NELL1: variants seen among roughly 807,000 people sequenced by gnomAD.
NELL1 encodes protein kinase C-binding protein NELL1.
NELL1 carries 76 observed loss-of-function variants against 107.4 expected under a neutral mutation model. That is an observed-to-expected ratio of 0.71 (90% CI 0.59 to 0.86). The LOEUF is 0.86. Among genes scored for constraint, NELL1 ranks in the 40% least tolerant of loss-of-function variants. The pLI is 0.00. For synonymous variants in NELL1, 353 were observed against 341.2 expected (o/e 1.03, Z -0.38); for missense variants, 1,024 against 1,005.5 (o/e 1.02, Z -0.25).
intron 15 of NELL1, among the ~76,000 whole-genome samples, chr11:21,520,773 C>G (rs187883707): frequency 6.6e-6 from 1 of 152,306 alleles, no homozygotes; most frequent in East Asian, 1.9e-4. Context: ...TGCTCCTTAC[C>G]TCATGCTGAC....
intron 14 of NELL1, among the ~76,000 whole-genome samples, chr11:21,275,124 A>G (rs1433138289): frequency 6.6e-6 from 1 of 152,184 alleles, no homozygotes; most frequent in Non-Finnish European, 1.5e-5. Flanking sequence ...TGGTTTTTTG[A>G]AAAGATCAAC....
At chr11:20,743,189 A>G (rs1234093419) in intron 2 of NELL1, among the ~76,000 whole-genome samples, 2 of 152,046 alleles carry the variant, frequency 1.3e-5, no homozygotes, top group African/African-American at 4.8e-5. Context: ...CGCCATCTCC[A>G]CTAAAAATAC....
intron 13 of NELL1, among the ~76,000 whole-genome samples, chr11:21,141,570 A>G (rs1431330281): frequency 6.6e-6 from 1 of 152,096 alleles, no homozygotes; most frequent in Non-Finnish European, 1.5e-5. Flanking sequence ...TAAGTAAGAA[A>G]TCTGAAGATA....
intron 14 of NELL1, among the ~76,000 whole-genome samples, chr11:21,269,110 C>T (rs2133932248): frequency 6.6e-6 from 1 of 150,818 alleles, no homozygotes; most frequent in Non-Finnish European, 1.5e-5. Flanking sequence ...AATGGAAAAA[C>T]AAAGAAAAAG....
intron 13 of NELL1, among the ~76,000 whole-genome samples, chr11:21,183,496 C>T (rs1402793453): frequency 6.6e-6 from 1 of 151,878 alleles, no homozygotes; most frequent in Non-Finnish European, 1.5e-5. Context: ...AAGAGAGCTC[C>T]AGTGTTTGCA....
chr11:20,738,819 C>G lies in NELL1; in HGVS notation c.185-44861C>G, dbSNP rs377551098. 5.3e-5 allele frequency among the ~76,000 whole-genome samples: 8 copies of G among 152,260 alleles called. No individual in the cohort carries two copies. The South Asian group carries it at 1.5e-3, about 28-fold the overall frequency. ...GAAAGATGGGACCTATTTCTTTATTCCTCAGAGATGGCAGTGTACTTGGTC... is the reference window on the plus strand; with the variant it reads ...GAAAGATGGGACCTATTTCTTTATTGCTCAGAGATGGCAGTGTACTTGGTC... On this transcript the variant is annotated intron_variant, in intron 2 of 19. Transcript: ENST00000357134.
chr11:20,907,331 A>G (rs1469233903), intron 5 of NELL1, among the ~76,000 whole-genome samples: 1 of 151,996 alleles, frequency 6.6e-6, no homozygotes, highest in Non-Finnish European at 1.5e-5. Flanking sequence ...TATGTATCTT[A>G]TAAAAATTTA....
At chr11:20,772,517 A>C (rs569343597) in intron 2 of NELL1, among the ~76,000 whole-genome samples, 10 of 152,340 alleles carry the variant, frequency 6.6e-5, no homozygotes, top group Non-Finnish European at 1.2e-4. Context: ...ATGCTTAGAA[A>C]ATGTTAAAGT....
intron 15 of NELL1, among the ~76,000 whole-genome samples, chr11:21,376,711 C>T (rs751095221): frequency 1.2e-4 from 19 of 152,110 alleles, no homozygotes; most frequent in Non-Finnish European, 1.8e-4. Context: ...TTGTTTGTGT[C>T]ATCTATGATT....
At chr11:21,003,654 G>A (rs1313560862) in intron 12 of NELL1, among the ~76,000 whole-genome samples, 1 of 152,136 alleles carries the variant, frequency 6.6e-6, no homozygotes, top group African/African-American at 2.4e-5. Flanking sequence ...ACCTGTGTCA[G>A]GGAAGCTGGA....
chr11:20,713,147 G>A (rs1344749345), intron 2 of NELL1, among the ~76,000 whole-genome samples: 1 of 152,184 alleles, frequency 6.6e-6, no homozygotes, highest in Non-Finnish European at 1.5e-5. Context: ...GTGGTAGTAG[G>A]GGGATATAAG....
intron 3 of NELL1, among the ~76,000 whole-genome samples, chr11:20,843,657 AATTAT>A (rs1402067362): frequency 1.6e-4 from 14 of 90,000 alleles, no homozygotes; most frequent in African/African-American, 4.2e-4. Flanking sequence ...ATAAATATAA[AATTAT>A]ATTATATATT....
At chr11:20,679,825 A>T (rs924751030) in intron 2 of NELL1, among the ~76,000 whole-genome samples, 3 of 152,224 alleles carry the variant, frequency 2.0e-5, no homozygotes, top group African/African-American at 7.2e-5. Flanking sequence ...GAAACACAGT[A>T]GGTGATCAAT....
At chr11:21,422,461 T>A (rs1449961883) in intron 15 of NELL1, among the ~76,000 whole-genome samples, 1 of 152,118 alleles carries the variant, frequency 6.6e-6, no homozygotes, top group Non-Finnish European at 1.5e-5. Flanking sequence ...TACATAATTT[T>A]ATTTTACACA....
intron 16 of NELL1, among the ~76,000 whole-genome samples, chr11:21,555,303 T>C (rs1346184524): frequency 6.6e-6 from 1 of 151,892 alleles, no homozygotes. Flanking sequence ...TAACAATATT[T>C]GTTATAATAC....
intron 15 of NELL1, among the ~76,000 whole-genome samples, chr11:21,411,004 G>C (rs930574453): frequency 9.2e-5 from 14 of 152,012 alleles, no homozygotes; most frequent in African/African-American, 3.4e-4. Context: ...TAATATACCA[G>C]ATGTGATAGA....
At chr11:21,119,618 T>C (rs557076685) in intron 13 of NELL1, among the ~76,000 whole-genome samples, 5 of 152,198 alleles carry the variant, frequency 3.3e-5, no homozygotes, top group African/African-American at 1.2e-4. Context: ...CTTTGACCCT[T>C]GGGGGAGTTT....
chr11:21,485,474 A>G (rs1472212081), intron 15 of NELL1, among the ~76,000 whole-genome samples: 2 of 151,862 alleles, frequency 1.3e-5, no homozygotes, highest in African/African-American at 2.4e-5. Flanking sequence ...TGTGTCCTCC[A>G]CTGGGTTCAA....
chr11:21,149,882 G>T (rs1480457309), intron 13 of NELL1, among the ~76,000 whole-genome samples: 4 of 152,086 alleles, frequency 2.6e-5, no homozygotes, highest in African/African-American at 4.8e-5. Context: ...AAAAGTACCA[G>T]TGAATGACAA....
Sources: allele counts gnomAD v4.1 joint callset (sites outside exome capture counted in the v4.1 genomes callset), GRCh38; gene constraint gnomAD v4.1.1; transcripts MANE v1.5; gene names NCBI Gene and HGNC (gene_info 2026-07-23, HGNC 2026-07-21).